The following DEPDC1B variants were observed in gnomAD, a reference collection of about 807,000 sequenced individuals.
DEPDC1B encodes the protein DEP domain containing 1B.
Under a neutral mutation model 66.5 loss-of-function variants are expected in DEPDC1B, and 51 were observed. That is an observed-to-expected ratio of 0.77 (90% CI 0.61 to 0.97). The LOEUF is 0.97. Among genes scored for constraint, DEPDC1B ranks in the 50% least tolerant of loss-of-function variants. The pLI is 0.00. For synonymous variants in DEPDC1B, 226 were observed against 223.6 expected (o/e 1.01, Z -0.10); for missense variants, 552 against 637.1 (o/e 0.87, Z 1.44).
chr5:60,661,091 T>A (rs1156354588), intron 2 of DEPDC1B, among the ~76,000 whole-genome samples: 1 of 152,234 alleles, frequency 6.6e-6, no homozygotes, highest in African/African-American at 2.4e-5. Context: ...ACACCCTCTC[T>A]GAAATAAATT....
intron 2 of DEPDC1B, among the ~76,000 whole-genome samples, chr5:60,667,679 ATG>A (rs1388374296): frequency 4.2e-5 from 6 of 141,668 alleles, no homozygotes; most frequent in Non-Finnish European, 6.1e-5. Context: ...GATATTTTAC[ATG>A]TATATAATGG....
intron 7 of DEPDC1B, among the ~76,000 whole-genome samples, chr5:60,635,954 T>G (rs745328074): frequency 1.3e-5 from 2 of 152,190 alleles, no homozygotes; most frequent in Non-Finnish European, 2.9e-5. Flanking sequence ...TTATACAGCC[T>G]ACAAGTCACT....
intron 2 of DEPDC1B, among the ~76,000 whole-genome samples, chr5:60,677,975 G>C (rs1195037740): frequency 1.3e-5 from 2 of 152,116 alleles, no homozygotes. Flanking sequence ...AGACCTATTG[G>C]GTAGTGATGA....
chr5:60,597,928 T>C lies in DEPDC1B; in HGVS notation c.1429-14A>G. ...GGATTTCTGAAACTAAAAAAATGAA[T>C]GGTCCAAGAAGAGTAAAAAAAGACA... On this transcript the variant is annotated splice_polypyrimidine_tract_variant and intron_variant, in intron 10 of 10. Coordinates refer to ENST00000265036, the MANE Select transcript of DEPDC1B (RefSeq NM_018369.3). 6.3e-7 allele frequency: 1 copy of C among 1,591,080 alleles called. No homozygotes were observed. Among genetic ancestry groups the C allele is most frequent in the Non-Finnish European group, 8.5e-7 (1 of 1,174,188 alleles).
chr5:60,696,202 C>T (rs181803565), intron 1 of DEPDC1B, among the ~76,000 whole-genome samples: 114 of 152,184 alleles, frequency 7.5e-4, no homozygotes, highest in African/African-American at 2.5e-3. Flanking sequence ...TGCATTCTCC[C>T]ACACAGGAAA....
intron 2 of DEPDC1B, among the ~76,000 whole-genome samples, chr5:60,681,190 G>A (rs1306542688): frequency 6.6e-6 from 1 of 151,840 alleles, no homozygotes; most frequent in Non-Finnish European, 1.5e-5. Flanking sequence ...GCCCACCCAG[G>A]CCCCCCACCA....
intron 7 of DEPDC1B, among the ~76,000 whole-genome samples, chr5:60,609,050 C>T (rs372465770): frequency 6.6e-6 from 1 of 151,950 alleles, no homozygotes. Flanking sequence ...TTTGAGTCTG[C>T]AGTGAGCTAT....
chr5:60,699,978 C>A, intron 1 of DEPDC1B, 68 bp downstream of exon 1: 1 of 1,532,772 alleles, frequency 6.5e-7, no homozygotes, highest in South Asian at 1.2e-5. Context: ...GACAAGCACT[C>A]TGTCCGCGCG....
intron 9 of DEPDC1B, among the ~76,000 whole-genome samples, chr5:60,602,270 T>C (rs1412421766): frequency 6.7e-6 from 1 of 148,918 alleles, no homozygotes; most frequent in Non-Finnish European, 1.5e-5. Context: ...TGAAAGACTA[T>C]ATTACTGACT....
At chr5:60,603,594 A>C in intron 8 of DEPDC1B, 27 bp from the exon 9 acceptor site, 1 of 1,543,520 alleles carries the variant, frequency 6.5e-7, no homozygotes. Context: ...GTGGGGGGTA[A>C]ACGCAGATGA....
At chr5:60,640,498 T>C (rs191683318) in intron 6 of DEPDC1B, among the ~76,000 whole-genome samples, 80 of 152,278 alleles carry the variant, frequency 5.3e-4, no homozygotes, top group Middle Eastern at 3.4e-3. Flanking sequence ...TATTTAAAAA[T>C]TTTTTTTATA....
chr5:60,622,510 A>C (rs75292897), intron 7 of DEPDC1B, among the ~76,000 whole-genome samples: 1 of 152,230 alleles, frequency 6.6e-6, no homozygotes, highest in East Asian at 1.9e-4. Flanking sequence ...GCTGCTATGA[A>C]CACCACACAA....
At chr5:60,673,609 TC>T in intron 2 of DEPDC1B, among the ~76,000 whole-genome samples, 1 of 152,226 alleles carries the variant, frequency 6.6e-6, no homozygotes, top group South Asian at 2.1e-4. Flanking sequence ...CCTCTCCCAT[TC>T]CTAGTTTGAG....
intron 2 of DEPDC1B, among the ~76,000 whole-genome samples, chr5:60,649,993 A>T (rs894291947): frequency 3.9e-5 from 6 of 151,994 alleles, no homozygotes; most frequent in African/African-American, 1.2e-4. Flanking sequence ...TCCCCCATGA[A>T]GATACATAGT....
At chr5:60,650,644 G>C (rs1308762761) in intron 2 of DEPDC1B, among the ~76,000 whole-genome samples, 1 of 152,190 alleles carries the variant, frequency 6.6e-6, no homozygotes, top group Non-Finnish European at 1.5e-5. Context: ...TGATAGAGCA[G>C]ACATTACAGA....
chr5:60,688,260 A>G (rs562405808), intron 1 of DEPDC1B, among the ~76,000 whole-genome samples: 2 of 152,200 alleles, frequency 1.3e-5, no homozygotes, highest in South Asian at 4.2e-4. Context: ...CTCAAATAAT[A>G]TATATTAGTT....
At chr5:60,667,458 T>C (rs925666396) in intron 2 of DEPDC1B, among the ~76,000 whole-genome samples, 21 of 145,754 alleles carry the variant, frequency 1.4e-4, no homozygotes, top group Admixed American at 1.4e-4. Flanking sequence ...ATTTTACATA[T>C]ATACAAAAAA....
chr5:60,660,321 G>GGA (rs59091677), intron 2 of DEPDC1B, among the ~76,000 whole-genome samples: 7 of 148,418 alleles, frequency 4.7e-5, no homozygotes, highest in East Asian at 4.0e-4. Flanking sequence ...ACAAAGGGGG[G>GGA]GAGAGAGAGA....
intron 7 of DEPDC1B, among the ~76,000 whole-genome samples, chr5:60,614,693 A>T (rs1036824829): frequency 6.6e-6 from 1 of 152,204 alleles, no homozygotes; most frequent in African/African-American, 2.4e-5. Context: ...TAGGTTTTTT[A>T]AAGTTATTAT....
Sources: allele counts gnomAD v4.1 joint callset (sites outside exome capture counted in the v4.1 genomes callset), GRCh38; gene constraint gnomAD v4.1.1; transcripts MANE v1.5; gene names NCBI Gene and HGNC (gene_info 2026-07-23, HGNC 2026-07-21).